The following MDGA2 variants were observed in gnomAD, a reference collection of about 807,000 sequenced individuals.
MDGA2 encodes the protein MAM domain containing glycosylphosphatidylinositol anchor 2, also known as MAM domain-containing glycosylphosphatidylinositol anchor protein 2.
Under a neutral mutation model 117.8 loss-of-function variants are expected in MDGA2, and 40 were observed. The observed-to-expected ratio is 0.34, with a 90% CI of 0.26 to 0.44. MDGA2 has a LOEUF of 0.44. MDGA2 is among the 20% of genes least tolerant of loss of function. The pLI is 1.00. For missense variants in MDGA2, 1,123 were observed against 1,250.6 expected, an observed-to-expected ratio of 0.90 and a Z score of 1.54; for synonymous variants, 452 against 439.0, an observed-to-expected ratio of 1.03 and a Z score of -0.37.
rs912889487 is a variant in MDGA2, at chr14:47,169,645, C to G, written c.596-25371G>C. 1.2e-4 allele frequency among the ~76,000 whole-genome samples: 18 copies of G among 151,768 alleles called. No homozygotes were observed. The East Asian group carries it at 3.5e-3, about 29-fold the overall frequency. On this transcript the variant is annotated intron_variant, in intron 3 of 16. Transcript: ENST00000399232. ...CATGAATTTATGGATCTAATTAGAACAAAAGTAAGCCTAGCATTAGCTTAA... is the reference window on the plus strand; with the variant it reads ...CATGAATTTATGGATCTAATTAGAAGAAAAGTAAGCCTAGCATTAGCTTAA...
intron 15 of MDGA2, among the ~76,000 whole-genome samples, chr14:46,850,269 A>T (rs1236706867): frequency 1.3e-5 from 2 of 151,906 alleles, no homozygotes; most frequent in African/African-American, 4.8e-5. Flanking sequence ...TAGATGTCAA[A>T]ATAAAGATAT....
chr14:47,624,158 C>G (rs1389976029), intron 1 of MDGA2, among the ~76,000 whole-genome samples: 5 of 152,152 alleles, frequency 3.3e-5, no homozygotes, highest in Non-Finnish European at 7.4e-5. Flanking sequence ...TTCCTTTTGT[C>G]TGATAAATCT....
At chr14:46,999,869 T>C (rs1451738206) in intron 8 of MDGA2, among the ~76,000 whole-genome samples, 1 of 152,056 alleles carries the variant, frequency 6.6e-6, no homozygotes, top group East Asian at 1.9e-4. Context: ...TGTAAGATCA[T>C]CTGCTCTGTC....
intron 5 of MDGA2, among the ~76,000 whole-genome samples, chr14:47,120,135 G>A (rs946797456): frequency 5.3e-5 from 8 of 152,064 alleles, no homozygotes; most frequent in African/African-American, 1.9e-4. Flanking sequence ...ATGTCATAAT[G>A]CCAAATCAAA....
chr14:46,996,326 G>A (rs1264640755), intron 8 of MDGA2: 1 of 152,136 alleles, frequency 6.6e-6, no homozygotes, highest in Non-Finnish European at 1.5e-5. Flanking sequence ...ACAGGGTTCT[G>A]AGGTGTCTTG....
At chr14:46,940,553 G>A (rs939104443) in intron 9 of MDGA2, among the ~76,000 whole-genome samples, 1 of 151,836 alleles carries the variant, frequency 6.6e-6, no homozygotes, top group Non-Finnish European at 1.5e-5. Flanking sequence ...GCTCGAACCC[G>A]GGGGGTGGAG....
chr14:47,247,632 T>TTTTTTATTATTATTA (rs33990961), intron 2 of MDGA2, among the ~76,000 whole-genome samples: 7 of 146,138 alleles, frequency 4.8e-5, no homozygotes, highest in African/African-American at 7.5e-5. Context: ...TCAGTACATA[T>TTTTTTATTATTATTA]TTATTATTAT....
At chr14:47,314,992 CAAT>C (rs1224503556) in intron 1 of MDGA2, among the ~76,000 whole-genome samples, 1 of 151,974 alleles carries the variant, frequency 6.6e-6, no homozygotes, top group Non-Finnish European at 1.5e-5. Context: ...AGAATGTTAA[CAAT>C]GATGATGCTT....
intron 2 of MDGA2, among the ~76,000 whole-genome samples, chr14:47,300,913 A>T (rs140986648): frequency 6.6e-6 from 1 of 152,180 alleles, no homozygotes; most frequent in African/African-American, 2.4e-5. Context: ...GAGTGCATAC[A>T]GTATCTGCAA....
At chr14:47,623,959 T>C (rs1897096160) in intron 1 of MDGA2, among the ~76,000 whole-genome samples, 1 of 152,228 alleles carries the variant, frequency 6.6e-6, no homozygotes, top group African/African-American at 2.4e-5. Flanking sequence ...CTTCTTCTGG[T>C]AATCTCAGTG....
intron 2 of MDGA2, among the ~76,000 whole-genome samples, chr14:47,298,803 G>C (rs1484037205): frequency 6.7e-6 from 1 of 150,202 alleles, no homozygotes; most frequent in Non-Finnish European, 1.5e-5. Context: ...TCCTGCCTCA[G>C]CCTCCTGAGT....
intron 1 of MDGA2, among the ~76,000 whole-genome samples, chr14:47,673,153 T>C (rs1238159957): frequency 2.0e-5 from 3 of 152,134 alleles, no homozygotes; most frequent in Non-Finnish European, 4.4e-5. Flanking sequence ...ACCTCAGCAC[T>C]GTTCAGCCCT....
At chr14:47,496,478 A>G (rs1015664047) in intron 1 of MDGA2, among the ~76,000 whole-genome samples, 1 of 152,030 alleles carries the variant, frequency 6.6e-6, no homozygotes, top group Admixed American at 6.6e-5. Flanking sequence ...TCCTGGTCTT[A>G]AGCAATTCCC....
intron 1 of MDGA2, among the ~76,000 whole-genome samples, chr14:47,474,563 T>C (rs1251410692): frequency 6.6e-6 from 1 of 152,144 alleles, no homozygotes; most frequent in East Asian, 1.9e-4. Flanking sequence ...GCTGGAGGCA[T>C]CATGCTACCT....
chr14:47,282,907 C>T (rs1888549224), intron 2 of MDGA2, among the ~76,000 whole-genome samples: 1 of 152,006 alleles, frequency 6.6e-6, no homozygotes, highest in Non-Finnish European at 1.5e-5. Flanking sequence ...ATGATCATGC[C>T]ACCGCACTCC....
chr14:47,170,473 T>A (rs1188152315), intron 3 of MDGA2, among the ~76,000 whole-genome samples: 1 of 152,070 alleles, frequency 6.6e-6, no homozygotes, highest in Non-Finnish European at 1.5e-5. Flanking sequence ...ATCATTGTCA[T>A]TTTATAGGTG....
intron 14 of MDGA2, among the ~76,000 whole-genome samples, chr14:46,859,400 A>G (rs1299731429): frequency 6.6e-6 from 1 of 152,188 alleles, no homozygotes; most frequent in Non-Finnish European, 1.5e-5. Context: ...AGGGAACCCC[A>G]TACAGACTTT....
intron 3 of MDGA2, among the ~76,000 whole-genome samples, chr14:47,198,921 A>C (rs1429052086): frequency 6.6e-6 from 1 of 152,178 alleles, no homozygotes; most frequent in African/African-American, 2.4e-5. Context: ...AAAACATATT[A>C]TTCTTTATAA....
chr14:46,939,914 C>T (rs2138577536), intron 9 of MDGA2, among the ~76,000 whole-genome samples: 1 of 152,266 alleles, frequency 6.6e-6, no homozygotes, highest in Non-Finnish European at 1.5e-5. Flanking sequence ...GCATGCCTTG[C>T]TGAAAGCATG....
Sources: allele counts gnomAD v4.1 joint callset (sites outside exome capture counted in the v4.1 genomes callset), GRCh38; gene constraint gnomAD v4.1.1; transcripts MANE v1.5; gene names NCBI Gene and HGNC (gene_info 2026-07-23, HGNC 2026-07-21).